The following PTPRS variants were observed in gnomAD, a reference collection of about 807,000 sequenced individuals.
PTPRS encodes the protein receptor-type tyrosine-protein phosphatase S.
Under a neutral mutation model 215.3 loss-of-function variants are expected in PTPRS, and 63 were observed. The ratio of observed to expected loss-of-function variants is 0.29; its 90% confidence interval spans 0.24 to 0.36. The LOEUF is 0.36. Ranked by LOEUF, PTPRS falls within the 10% of genes least tolerant of loss-of-function variation. The pLI, the probability that PTPRS is intolerant of heterozygous loss-of-function variation, is 1.00. For missense variants in PTPRS, 2,258 were observed against 2,825.8 expected (o/e 0.80, Z 4.56); for synonymous variants, 1,404 against 1,191.4 (o/e 1.18, Z -3.68).
chr19:5,212,352 A>G lies in PTPRS; in HGVS notation c.4754T>C (p.Ile1585Thr), dbSNP rs1038424215. 6.2e-7 allele frequency: 1 copy of G among 1,612,738 alleles called. No homozygotes were observed. The highest frequency in any genetic ancestry group is 8.5e-7 in the Non-Finnish European group (1 of 1,179,498). Residue 1585 changes from isoleucine (I) to threonine (T), a missense_variant, in exon 31 of 38, where the codon ATC becomes ACC. Ile to Thr is a moderately conservative substitution (Grantham distance 89, BLOSUM62 -1). Coordinates refer to ENST00000262963, the MANE Select transcript of PTPRS (RefSeq NM_002850.4). ...KTCNPPDAGP[I>T]VVHCSAGVGR... ...GTGGACGTACCTGCAGTGAACCACG[A>G]TGGGGCCGGCATCTGGCGGGTTGCA... is the stretch of plus-strand genomic sequence containing the variant.
chr19:5,258,668 T>G (rs2045756696), intron 7 of PTPRS, among the ~76,000 whole-genome samples: 1 of 152,190 alleles, frequency 6.6e-6, no homozygotes, highest in African/African-American at 2.4e-5. Context: ...CTCAAAGTCC[T>G]CAACGCCCCT....
chr19:5,286,292 G>A, intron 1 of PTPRS, 58 bp from the exon 2 acceptor site: 1 of 803,668 alleles, frequency 1.2e-6, no homozygotes, highest in Non-Finnish European at 2.0e-6. Context: ...AGACCTTCAT[G>A]GAGGAGGCAG....
At chr19:5,300,130 A>G (rs1283524728) in intron 1 of PTPRS, among the ~76,000 whole-genome samples, 1 of 151,768 alleles carries the variant, frequency 6.6e-6, no homozygotes, top group African/African-American at 2.4e-5. Context: ...AGCCTTAGCT[A>G]CATGGGAGGC....
intron 16 of PTPRS, among the ~76,000 whole-genome samples, chr19:5,228,109 T>C (rs567722545): frequency 6.6e-6 from 1 of 151,862 alleles, no homozygotes; most frequent in Non-Finnish European, 1.5e-5. Context: ...GGTGGGAACA[T>C]TCCCTCTAGA....
rs961282861 is a variant in PTPRS at position 5,338,535 on chromosome 19, A to G, written c.-95+2129T>C. Among the ~76,000 whole-genome samples, 1 of 152,094 alleles carries G rather than the reference A, an allele frequency of 6.6e-6. No individual in the cohort carries two copies. The highest frequency in any genetic ancestry group is 2.4e-5 in the African/African-American group (1 of 41,428). On this transcript the variant is annotated intron_variant, in intron 1 of 37. Transcript: ENST00000262963. The surrounding 1 kb of genome is among the most constrained non-coding windows in gnomAD (Gnocchi z 4.2). ...GCGGGGGGGTAGGGGAGGGATGCCC[A>G]GGTGGGGACTCAGTCAGGCCCAAGC...
At chr19:5,327,683 C>T (rs1042627436) in intron 1 of PTPRS, among the ~76,000 whole-genome samples, 13 of 152,164 alleles carry the variant, frequency 8.5e-5, no homozygotes, top group African/African-American at 3.1e-4. Flanking sequence ...TCACTGCAGC[C>T]TCAAACTCCT....
intron 4 of PTPRS, among the ~76,000 whole-genome samples, chr19:5,268,231 C>T (rs908400854): frequency 3.3e-5 from 5 of 152,208 alleles, no homozygotes; most frequent in South Asian, 4.1e-4. Context: ...CACACAGCCA[C>T]GCCCATTCGT....
rs1341605547 is a variant in PTPRS at position 5,338,823 on chromosome 19, T to TCC, written c.-95+1840_-95+1841insGG. Among the ~76,000 whole-genome samples, 7 of 152,266 alleles carry TCC rather than the reference T, an allele frequency of 4.6e-5. No homozygotes were observed. The highest frequency in any genetic ancestry group is 1.7e-4 in the African/African-American group (7 of 41,548). On this transcript the variant is annotated intron_variant, in intron 1 of 37. Coordinates refer to ENST00000262963, the MANE Select transcript of PTPRS (RefSeq NM_002850.4). The surrounding 1 kb of genome is among the most constrained non-coding windows in gnomAD (Gnocchi z 4.2). ...GTATCGCAGGAGCAGAGGAGCGGGA[T>TCC]GGCTTCCTTCTCCCGGGCGAAAGGC...
intron 1 of PTPRS, among the ~76,000 whole-genome samples, chr19:5,296,760 C>A (rs908534246): frequency 3.3e-5 from 5 of 151,872 alleles, no homozygotes; most frequent in African/African-American, 1.2e-4. Context: ...ACAAGATGCG[C>A]ACGGCCTCAG....
intron 7 of PTPRS, among the ~76,000 whole-genome samples, chr19:5,258,936 T>G (rs2045776469): frequency 6.6e-6 from 1 of 152,200 alleles, no homozygotes; most frequent in South Asian, 2.1e-4. Context: ...GAAGTCAACA[T>G]CCTGGTGCTC....
At chr19:5,315,369 T>TGAGACAGAGTC (rs2049841387) in intron 1 of PTPRS, among the ~76,000 whole-genome samples, 1 of 130,730 alleles carries the variant, frequency 7.6e-6, no homozygotes, top group Non-Finnish European at 1.6e-5. Context: ...TTTTTTTTTT[T>TGAGACAGAGTC]TTTTTTTTTT....
chr19:5,336,524 C>T (rs937372187), intron 1 of PTPRS, among the ~76,000 whole-genome samples: 1 of 152,106 alleles, frequency 6.6e-6, no homozygotes, highest in South Asian at 2.1e-4. Context: ...TCCTCTGCCC[C>T]GCAAGCCACA....
chr19:5,264,882 G>T, intron 5 of PTPRS, 126 bp downstream of exon 5: 1 of 1,133,568 alleles, frequency 8.8e-7, no homozygotes, highest in Non-Finnish European at 1.2e-6. Context: ...CAGAGCCAAC[G>T]CCTGCCACGG....
intron 26 of PTPRS, 47 bp from the exon 27 acceptor site, chr19:5,215,642 A>T: frequency 7.4e-6 from 8 of 1,077,606 alleles, no homozygotes; most frequent in South Asian, 1.8e-5. Flanking sequence ...TTGGGGGGCC[A>T]GCCGGGGACT....
chr19:5,244,590 C>G lies in PTPRS; in HGVS notation c.989-108G>C. The stretch of plus-strand genomic sequence containing the variant: ...CGCCTTCTCTGAGCCTTGATTTGCC[C>G]AGCAGTAATCATGGGCCTCATGACT... On this transcript the variant is annotated intron_variant, in intron 10 of 37. Transcript: ENST00000262963. The surrounding 1 kb of genome is among the most constrained non-coding windows in gnomAD (Gnocchi z 7.2). 1 of 878,488 alleles carries G rather than the reference C, an allele frequency of 1.1e-6. No individual in the cohort carries two copies. Among genetic ancestry groups the G allele is most frequent in the Non-Finnish European group, 1.7e-6 (1 of 578,940 alleles). The allele number at this position is 878,488 out of a possible 1,614,324, so 54.4% of individuals were successfully genotyped here.
At chr19:5,235,628 T>C (rs1480632482) in intron 13 of PTPRS, among the ~76,000 whole-genome samples, 1 of 152,224 alleles carries the variant, frequency 6.6e-6, no homozygotes, top group Non-Finnish European at 1.5e-5. Context: ...ACCCATGTTT[T>C]GAGTACCTAC....
chr19:5,289,142 C>T (rs919139930), intron 1 of PTPRS, among the ~76,000 whole-genome samples: 1 of 152,140 alleles, frequency 6.6e-6, no homozygotes, highest in Non-Finnish European at 1.5e-5. Context: ...CCTAGGAGAA[C>T]CTCCCATGAT....
At chr19:5,314,335 T>C (rs1170094008) in intron 1 of PTPRS, among the ~76,000 whole-genome samples, 1 of 152,146 alleles carries the variant, frequency 6.6e-6, no homozygotes, top group East Asian at 1.9e-4. Context: ...AGAGTCTGCA[T>C]CATGATTTGG....
rs150449658 is a variant in PTPRS at position 5,257,261 on chromosome 19, G to A, written c.706+756C>T. On this transcript the variant is annotated intron_variant, in intron 8 of 37. Transcript: ENST00000262963. This position sits in a 1 kb window ranked among gnomAD's most constrained non-coding sequence, Gnocchi z 4.4. ...CCTTGGGGCAGGGGAGCGGGGAGGT[G>A]CTGGGGCGAGGCCCCCACGCTGCTG... 2.5e-4 allele frequency among the ~76,000 whole-genome samples: 37 copies of A among 150,530 alleles called. No homozygotes were observed. The East Asian group carries it at 7.1e-3, about 29-fold the overall frequency.
Sources: allele counts gnomAD v4.1 joint callset (sites outside exome capture counted in the v4.1 genomes callset), GRCh38; gene constraint gnomAD v4.1.1; non-coding constraint Gnocchi (gnomAD v3.1); transcripts MANE v1.5; gene names NCBI Gene and HGNC (gene_info 2026-07-23, HGNC 2026-07-21).